GARIN1B: variants seen among roughly 807,000 people sequenced by gnomAD.
The protein encoded by GARIN1B is Golgi-associated RAB2 interactor protein 1B.
chr7:128,726,252 G>A, the GARIN1B span, among the ~76,000 whole-genome samples: 1 of 152,244 alleles, frequency 6.6e-6, no homozygotes, highest in Non-Finnish European at 1.5e-5. Context: ...AATTTGAAGG[G>A]AAGGAGAGAT....
chr7:128,709,750 C>CTTTTTTTTTTTT, the GARIN1B span, among the ~76,000 whole-genome samples: 1 of 114,618 alleles, frequency 8.7e-6, no homozygotes, highest in Admixed American at 8.6e-5. Flanking sequence ...CTCTCTCTCT[C>CTTTTTTTTTTTT]TTTTTTTTTT....
chr7:128,726,716 T>A, the GARIN1B span: 2 of 1,146,798 alleles, frequency 1.7e-6, no homozygotes, highest in African/African-American at 1.5e-5. Context: ...CATATTTATA[T>A]CTGTCTCTAA....
the GARIN1B span, among the ~76,000 whole-genome samples, chr7:128,718,005 C>A: frequency 1.4e-3 from 218 of 152,202 alleles, no homozygotes; most frequent in African/African-American, 5.1e-3. Flanking sequence ...CAAGTACCAC[C>A]CAGTCCCAGC....
At chr7:128,727,789 C>T in the GARIN1B span, among the ~76,000 whole-genome samples, 1 of 152,138 alleles carries the variant, frequency 6.6e-6, no homozygotes, top group Non-Finnish European at 1.5e-5. Context: ...CCCTATCCTT[C>T]TAAATCCTAC....
the GARIN1B span, chr7:128,716,721 A>G: frequency 9.3e-7 from 1 of 1,075,698 alleles, no homozygotes; most frequent in African/African-American, 1.6e-5. Flanking sequence ...CCAACCCAAA[A>G]CATTAATAGT....
the GARIN1B span, chr7:128,715,480 A>G: frequency 6.2e-7 from 1 of 1,614,166 alleles, no homozygotes; most frequent in East Asian, 2.2e-5. Flanking sequence ...CTTGGAGGAA[A>G]TCAAAGAAGA....
the GARIN1B span, chr7:128,723,475 G>C: frequency 1.3e-6 from 1 of 786,222 alleles, no homozygotes; most frequent in African/African-American, 1.7e-5. Flanking sequence ...CACTTTGGGA[G>C]GTCAAGGCAG....
the GARIN1B span, among the ~76,000 whole-genome samples, chr7:128,728,636 C>T: frequency 5.9e-5 from 9 of 152,294 alleles, no homozygotes; most frequent in South Asian, 1.7e-3. Flanking sequence ...TCGTTGTTGC[C>T]ATGCTGGAAT....
At chr7:128,730,071 T>C in the GARIN1B span, 1 of 1,612,382 alleles carries the variant, frequency 6.2e-7, no homozygotes, top group East Asian at 2.2e-5. Flanking sequence ...CACCCATAGG[T>C]ACAGCAATGG....
chr7:128,728,691 G>T, the GARIN1B span, among the ~76,000 whole-genome samples: 1 of 152,168 alleles, frequency 6.6e-6, no homozygotes, highest in South Asian at 2.1e-4. Context: ...AAAAGATCTG[G>T]ACATATGTGG....
At chr7:128,726,136 A>G in the GARIN1B span, among the ~76,000 whole-genome samples, 893 of 152,352 alleles carry the variant, frequency 5.9e-3, 5 homozygotes, top group African/African-American at 0.02. Context: ...ATGCGAAGAT[A>G]TTTAGACTTC....
At chr7:128,719,162 C>T in the GARIN1B span, 4 of 1,476,548 alleles carry the variant, frequency 2.7e-6, no homozygotes, top group Non-Finnish European at 3.7e-6. Context: ...ATGTGAGTGC[C>T]CTATGAAGGT....
chr7:128,714,913 C>T, the GARIN1B span, among the ~76,000 whole-genome samples: 7 of 152,132 alleles, frequency 4.6e-5, no homozygotes, highest in Admixed American at 3.3e-4. Context: ...CAGCCTGCCG[C>T]GGCAGAATGC....
the GARIN1B span, chr7:128,724,888 G>T: frequency 6.2e-6 from 8 of 1,284,126 alleles, no homozygotes; most frequent in African/African-American, 7.6e-5. Flanking sequence ...CGAAGAGCTC[G>T]CAAAGACATG....
the GARIN1B span, among the ~76,000 whole-genome samples, chr7:128,726,110 C>T: frequency 6.6e-5 from 10 of 152,256 alleles, no homozygotes; most frequent in Middle Eastern, 3.4e-3. Context: ...GTGAGCCAGG[C>T]GGGGCCTGGG....
At chr7:128,718,865 T>C in the GARIN1B span, 1 of 1,614,204 alleles carries the variant, frequency 6.2e-7, no homozygotes, top group Non-Finnish European at 8.5e-7. Flanking sequence ...GCTCCAGGTA[T>C]GTGACCACTA....
At chr7:128,724,933 A>G in the GARIN1B span, 6 of 1,189,826 alleles carry the variant, frequency 5.0e-6, no homozygotes, top group Admixed American at 6.3e-5. Context: ...ACCCTTGAGC[A>G]TATCGAAACC....
the GARIN1B span, chr7:128,717,015 G>A: frequency 1.3e-6 from 2 of 1,587,764 alleles, no homozygotes; most frequent in East Asian, 4.5e-5. Flanking sequence ...ATGCAGATGA[G>A]AATGGAGGAC....
At chr7:128,727,823 A>G in the GARIN1B span, among the ~76,000 whole-genome samples, 2 of 152,070 alleles carry the variant, frequency 1.3e-5, no homozygotes, top group East Asian at 3.9e-4. Context: ...CCTTCCTGCC[A>G]GGCTAATCCT....
Sources: gnomAD v4.1 joint callset for allele counts (sites outside exome capture counted in the v4.1 genomes callset) on GRCh38, gnomAD v4.1.1 for gene constraint, MANE v1.5 for transcripts, NCBI Gene and HGNC (gene_info 2026-07-23, HGNC 2026-07-21) for gene names.